Variants in RCOR1 observed in about 807,000 individuals in gnomAD.
RCOR1 encodes the protein REST corepressor 1.
In RCOR1, 12 loss-of-function variants were observed where a neutral mutation model predicts 64.0. The ratio of observed to expected loss-of-function variants is 0.19; its 90% CI spans 0.12 to 0.30. RCOR1 has a LOEUF of 0.30. RCOR1 is among the 10% of genes least tolerant of loss of function. RCOR1 has a pLI of 1.00. For missense variants in RCOR1, 502 were observed against 621.2 expected (o/e 0.81, Z 2.04); for synonymous variants, 279 against 227.2 (o/e 1.23, Z -2.05).
In RCOR1 at chr14:102,646,988, TCCA is replaced by T. The variant is rs1894488564; in HGVS notation, c.362-34906_362-34904del. On this transcript the variant is annotated intron_variant, in intron 2 of 11. Transcript: ENST00000262241. Reference sequence around the variant, plus strand: ...AGAGTTAATGGATTGGTTCAGGAGCTCCAACATCTGCACTGTTAGATGTTCTAG... The same window carrying T: ...AGAGTTAATGGATTGGTTCAGGAGCTACATCTGCACTGTTAGATGTTCTAG... Among the ~76,000 whole-genome samples the T allele has an allele frequency of 2.6e-5, 4 of 152,252 alleles. No homozygotes were observed. The South Asian group carries it at 8.3e-4, about 32-fold the overall frequency.
chr14:102,717,021 T>G (rs1896080279), intron 8 of RCOR1, among the ~76,000 whole-genome samples: 1 of 152,250 alleles, frequency 6.6e-6, no homozygotes, highest in African/African-American at 2.4e-5. Flanking sequence ...GTGTAAGAAC[T>G]TAACGCATCT....
intron 8 of RCOR1, 28 bp from the exon 9 acceptor site, chr14:102,720,979 A>T: frequency 7.9e-7 from 1 of 1,273,722 alleles, no homozygotes; most frequent in Admixed American, 2.3e-5. Flanking sequence ...TTTTATTTTT[A>T]AAATGAAAAT....
chr14:102,641,630 G>GT (rs917285514), intron 2 of RCOR1, among the ~76,000 whole-genome samples: 20 of 152,072 alleles, frequency 1.3e-4, no homozygotes, highest in Admixed American at 2.6e-4. Context: ...TATTTATGCC[G>GT]TTTTTTTGTA....
At chr14:102,692,852 G>A (rs1368190430) in intron 3 of RCOR1, among the ~76,000 whole-genome samples, 5 of 144,272 alleles carry the variant, frequency 3.5e-5, no homozygotes, top group East Asian at 2.1e-4. Context: ...TGCAACCTCC[G>A]CCTCCCAGGT....
At chr14:102,659,523 G>A (rs1005176553) in intron 2 of RCOR1, among the ~76,000 whole-genome samples, 2 of 152,248 alleles carry the variant, frequency 1.3e-5, no homozygotes, top group Non-Finnish European at 2.9e-5. Context: ...GTAATAAAGT[G>A]TGGTCGAGAG....
intron 2 of RCOR1, among the ~76,000 whole-genome samples, chr14:102,666,411 C>T (rs1386757861): frequency 1.3e-5 from 2 of 152,274 alleles, no homozygotes. Flanking sequence ...CCCAGTTTCC[C>T]CGTTATTAAC....
At chr14:102,653,138 G>C (rs1306673890) in intron 2 of RCOR1, among the ~76,000 whole-genome samples, 2 of 152,074 alleles carry the variant, frequency 1.3e-5, no homozygotes, top group Non-Finnish European at 2.9e-5. Context: ...TGGCAAGGAT[G>C]ATCTCGATCT....
rs116354223 is a variant in RCOR1, at chr14:102,644,559, C to T, written c.362-37336C>T. Among the ~76,000 whole-genome samples the T allele has an allele frequency of 6.9e-3, 1,054 of 152,246 alleles. 8 individuals carry two copies. Among genetic ancestry groups the T allele is most frequent in the African/African-American group, 0.024 (1,014 of 41,500 alleles). On this transcript the variant is annotated intron_variant, in intron 2 of 11. Transcript: ENST00000262241. ...CTCTCCCATCACATCGCTCCCCCTT[C>T]CTGCTATGGCATTAACTTCAAGTTC... is the stretch of plus-strand genomic sequence containing the variant.
intron 2 of RCOR1, among the ~76,000 whole-genome samples, chr14:102,638,797 A>G (rs967038059): frequency 1.3e-5 from 2 of 151,096 alleles, no homozygotes; most frequent in African/African-American, 4.9e-5. Flanking sequence ...TGAGTAGCTG[A>G]GATTACAGGT....
Position 102,726,753 on chromosome 14 carries a change from G to C in RCOR1, c.*247G>C, listed in dbSNP as rs1896272996. On this transcript the variant is annotated 3_prime_UTR_variant, in exon 12 of 12. Coordinates refer to ENST00000262241, the MANE Select transcript of RCOR1 (RefSeq NM_015156.4). ...GCCCACGTGCTGGGGAAGTCTCACGGCCTGCACATCTCTTGTGACTCTGGG... is the reference window on the plus strand; with the variant it reads ...GCCCACGTGCTGGGGAAGTCTCACGCCCTGCACATCTCTTGTGACTCTGGG... 2.0e-6 allele frequency: 1 copy of C among 497,646 alleles called. No individual in the cohort carries two copies. The highest frequency in any genetic ancestry group is 3.5e-6 in the Non-Finnish European group (1 of 285,886). The allele number at this position is 497,646 out of a possible 1,614,324, so 30.8% of individuals were successfully genotyped here.
At chr14:102,704,039 A>G (rs1389336044) in intron 4 of RCOR1, among the ~76,000 whole-genome samples, 1 of 152,240 alleles carries the variant, frequency 6.6e-6, no homozygotes, top group Non-Finnish European at 1.5e-5. Context: ...ATCTAGTCAG[A>G]TAGCACCTCT....
rs1184766769 is a variant in RCOR1 at position 102,727,809 on chromosome 14, G to A, written c.*1303G>A. On this transcript the variant is annotated 3_prime_UTR_variant, in exon 12 of 12. Transcript: ENST00000262241. ...TCTAATAAACATTTTGAGACTTCCA[G>A]AATCACTTTTGTTATCTTATCAGAC... The A allele has an allele frequency of 6.6e-6, 1 of 152,224 alleles. No homozygotes were observed. The highest frequency in any genetic ancestry group is 6.5e-5 in the Admixed American group (1 of 15,282). 9.4% of individuals were successfully genotyped at this position (152,224 alleles called of 1,614,324 possible). A position where few individuals can be genotyped will look rare whatever the true frequency, so the allele number is the denominator to read the frequency against.
At chr14:102,606,267 G>A (rs1289955745) in intron 2 of RCOR1, among the ~76,000 whole-genome samples, 2 of 152,040 alleles carry the variant, frequency 1.3e-5, no homozygotes, top group Admixed American at 6.6e-5. Flanking sequence ...TTGCCATGTT[G>A]GCCAGGCTGG....
chr14:102,606,662 C>T (rs1460565674), intron 2 of RCOR1, among the ~76,000 whole-genome samples: 3 of 148,950 alleles, frequency 2.0e-5, no homozygotes, highest in Non-Finnish European at 4.4e-5. Flanking sequence ...GATAGGGTCT[C>T]ACCCTGTCCC....
chr14:102,660,838 A>C (rs1056023413), intron 2 of RCOR1, among the ~76,000 whole-genome samples: 6 of 152,324 alleles, frequency 3.9e-5, no homozygotes, highest in Non-Finnish European at 7.3e-5. Context: ...CTTTCATCTA[A>C]AAACATAATA....
At chr14:102,719,233 A>G (rs1896127571) in intron 8 of RCOR1, among the ~76,000 whole-genome samples, 1 of 151,864 alleles carries the variant, frequency 6.6e-6, no homozygotes, top group Admixed American at 6.6e-5. Context: ...CACAGCCTAG[A>G]TATTTCTTCT....
At chr14:102,682,975 A>G (rs1348430825) in intron 3 of RCOR1, among the ~76,000 whole-genome samples, 4 of 152,174 alleles carry the variant, frequency 2.6e-5, no homozygotes, top group Admixed American at 1.3e-4. Context: ...GTTAGCCACT[A>G]TCTTTCTGTT....
chr14:102,633,630 C>A (rs918656506), intron 2 of RCOR1, among the ~76,000 whole-genome samples: 2 of 152,152 alleles, frequency 1.3e-5, no homozygotes, highest in Non-Finnish European at 2.9e-5. Flanking sequence ...ACTTCTGCCT[C>A]CCGCATTGAA....
At chr14:102,675,695 G>C (rs1020265584) in intron 2 of RCOR1, among the ~76,000 whole-genome samples, 7 of 152,186 alleles carry the variant, frequency 4.6e-5, no homozygotes, top group African/African-American at 7.2e-5. Context: ...CCAATGCGGG[G>C]CACCACTGGA....
Sources: allele counts gnomAD v4.1 joint callset (sites outside exome capture counted in the v4.1 genomes callset), GRCh38; gene constraint gnomAD v4.1.1; transcripts MANE v1.5; gene names NCBI Gene and HGNC (gene_info 2026-07-23, HGNC 2026-07-21).